The following CHODL variants were observed in gnomAD, a reference collection of about 807,000 sequenced individuals.
The protein encoded by CHODL is transmembrane protein MT75.
CHODL carries 29 observed loss-of-function variants against 34.5 expected under a neutral mutation model. The ratio of observed to expected loss-of-function variants is 0.84; its 90% CI spans 0.63 to 1.15. The LOEUF (loss-of-function observed/expected upper bound fraction) is 1.15. Among genes scored for constraint, CHODL ranks in the 50% most tolerant of loss-of-function variants. The pLI, the probability that CHODL is intolerant of heterozygous loss-of-function variation, is 0.00. For missense variants in CHODL, 332 were observed against 332.5 expected, an observed-to-expected ratio of 1.00 and a Z score of 0.01; for synonymous variants, 125 against 116.1, an observed-to-expected ratio of 1.08 and a Z score of -0.49.
intron 2 of CHODL, among the ~76,000 whole-genome samples, chr21:18,048,327 C>T (rs889092167): frequency 1.3e-5 from 2 of 151,534 alleles, no homozygotes; most frequent in African/African-American, 4.8e-5. Context: ...AATATGGAGT[C>T]CCAGAAGTTT....
At chr21:18,162,575 A>G (rs1019471924) in intron 2 of CHODL, among the ~76,000 whole-genome samples, 1 of 152,094 alleles carries the variant, frequency 6.6e-6, no homozygotes, top group African/African-American at 2.4e-5. Flanking sequence ...TTACTTAATT[A>G]CATCTGCAAT....
chr21:17,976,270 G>GA (rs71318119), intron 1 of CHODL, among the ~76,000 whole-genome samples: 2,732 of 66,372 alleles, frequency 0.041, 442 homozygotes, highest in African/African-American at 0.078. Flanking sequence ...GACCATCTCA[G>GA]AAAAAAAAAA....
At position 18,109,423 on chromosome 21, in the gene CHODL, ACT is replaced by A. The variant is rs368899672; in HGVS notation, c.-45+81455_-45+81456del. Among the ~76,000 whole-genome samples the A allele has an allele frequency of 1.2e-3, 179 of 151,904 alleles. 5 individuals carry two copies. The highest frequency in any genetic ancestry group is 3.9e-3 in the African/African-American group (162 of 41,392). ...ACTTGAACAAGCAGAGAGAATGGAG[ACT>A]CTATTTTGAAGGTGATGAGCCATAG... is the stretch of plus-strand genomic sequence containing the variant. On this transcript the variant is annotated intron_variant, in intron 2 of 6. Coordinates refer to the CHODL transcript ENST00000400127.
chr21:17,970,119 T>A (rs1366225772), intron 1 of CHODL, among the ~76,000 whole-genome samples: 3 of 152,162 alleles, frequency 2.0e-5, no homozygotes, highest in African/African-American at 7.2e-5. Context: ...GTAACCAAAG[T>A]TGAATAAGTG....
At chr21:18,188,030 G>C (rs1351877003) in intron 2 of CHODL, among the ~76,000 whole-genome samples, 2 of 152,154 alleles carry the variant, frequency 1.3e-5, no homozygotes, top group East Asian at 1.9e-4. Flanking sequence ...TGCTTGTCTA[G>C]GTTGCCTATG....
intron 2 of CHODL, among the ~76,000 whole-genome samples, chr21:18,032,475 A>T (rs1396813846): frequency 6.6e-6 from 1 of 152,046 alleles, no homozygotes; most frequent in Non-Finnish European, 1.5e-5. Flanking sequence ...ATTGGAGATT[A>T]GTGCCACAAT....
chr21:18,219,223 G>C (rs1485814606), intron 2 of CHODL, among the ~76,000 whole-genome samples: 1 of 152,198 alleles, frequency 6.6e-6, no homozygotes, highest in Non-Finnish European at 1.5e-5. Flanking sequence ...GGGCTGGGGA[G>C]TCCTCAGGAA....
intron 1 of CHODL, among the ~76,000 whole-genome samples, chr21:17,970,876 C>A (rs2063608714): frequency 6.6e-6 from 1 of 152,064 alleles, no homozygotes; most frequent in South Asian, 2.1e-4. Context: ...TAATGCTATC[C>A]CTCCCCTAGC....
intron 1 of CHODL, among the ~76,000 whole-genome samples, chr21:17,929,825 TGGGGAGGG>T (rs2063257305): frequency 1.4e-5 from 1 of 72,594 alleles, no homozygotes. Flanking sequence ...CAGGAGGGAG[TGGGGAGGG>T]AGTGGGGAGG....
chr21:17,950,732 A>G (rs2063450468), intron 1 of CHODL, among the ~76,000 whole-genome samples: 1 of 152,122 alleles, frequency 6.6e-6, no homozygotes. Flanking sequence ...AGCTTTTGAC[A>G]AAGTATAAGG....
At chr21:18,116,103 A>G (rs538726032) in intron 2 of CHODL, among the ~76,000 whole-genome samples, 2 of 152,206 alleles carry the variant, frequency 1.3e-5, no homozygotes, top group South Asian at 4.1e-4. Context: ...TTAGGGGTAC[A>G]TGCAAAGTCC....
intron 2 of CHODL, among the ~76,000 whole-genome samples, chr21:18,075,863 G>C (rs969156873): frequency 1.3e-5 from 2 of 152,104 alleles, no homozygotes; most frequent in African/African-American, 2.4e-5. Context: ...CAGGACTGTC[G>C]TGAGTAGGAT....
chr21:18,021,660 CAG>C (rs2064128638), intron 1 of CHODL, among the ~76,000 whole-genome samples: 2 of 152,126 alleles, frequency 1.3e-5, no homozygotes, highest in African/African-American at 2.4e-5. Context: ...ATGTAGATTT[CAG>C]AGTGACAGTA....
At chr21:18,084,545 A>G (rs916075890) in intron 2 of CHODL, among the ~76,000 whole-genome samples, 1 of 152,170 alleles carries the variant, frequency 6.6e-6, no homozygotes, top group Non-Finnish European at 1.5e-5. Flanking sequence ...CAGGAAAATA[A>G]TGCTTAATTT....
chr21:18,261,517 A>G (rs1488665620), intron 4 of CHODL, among the ~76,000 whole-genome samples: 3 of 151,890 alleles, frequency 2.0e-5, no homozygotes, highest in Non-Finnish European at 4.4e-5. Context: ...AAATACAAAA[A>G]TTAGCTGGGC....
chr21:18,149,830 A>G (rs1295322509), intron 2 of CHODL, among the ~76,000 whole-genome samples: 1 of 152,142 alleles, frequency 6.6e-6, no homozygotes, highest in Non-Finnish European at 1.5e-5. Context: ...CGTAGACTGG[A>G]CGGCGCATAA....
intron 1 of CHODL, among the ~76,000 whole-genome samples, chr21:17,923,431 C>T (rs1287453761): frequency 6.7e-6 from 1 of 149,692 alleles, no homozygotes; most frequent in Non-Finnish European, 1.5e-5. Context: ...TCTCAGAGGA[C>T]ATTTTATATA....
intron 2 of CHODL, among the ~76,000 whole-genome samples, chr21:18,120,418 T>C (rs76035742): frequency 0.025 from 3,875 of 152,218 alleles, 119 homozygotes; most frequent in East Asian, 0.12. Flanking sequence ...TTCCTATGGC[T>C]GTTTTTCTGT....
At chr21:18,003,122 A>AC (rs2063925501) in intron 1 of CHODL, among the ~76,000 whole-genome samples, 2 of 109,160 alleles carry the variant, frequency 1.8e-5, no homozygotes, top group Admixed American at 9.1e-5. Context: ...ACTCCGTCTC[A>AC]AAAAAAAAAA....
Sources: gnomAD v4.1 joint callset for allele counts (sites outside exome capture counted in the v4.1 genomes callset) on GRCh38, gnomAD v4.1.1 for gene constraint, MANE v1.5 for transcripts, NCBI Gene and HGNC (gene_info 2026-07-23, HGNC 2026-07-21) for gene names.